The following PTPRD variants were observed in gnomAD, a reference collection of about 807,000 sequenced individuals.
PTPRD encodes the protein receptor-type tyrosine-protein phosphatase delta.
In PTPRD, 34 loss-of-function variants were observed where a neutral mutation model predicts 214.5. That is an observed-to-expected ratio of 0.16 (90% CI 0.12 to 0.21). PTPRD has a LOEUF of 0.21. Among genes scored for constraint, PTPRD ranks in the 10% least tolerant of loss-of-function variants. PTPRD has a pLI of 1.00. For synonymous variants in PTPRD, 1,128 were observed against 845.7 expected (o/e 1.33, Z -5.79); for missense variants, 2,545 against 2,398.7 (o/e 1.06, Z -1.27).
chr9:10,404,297 T>G (rs1238865372), intron 2 of PTPRD, among the ~76,000 whole-genome samples: 1 of 151,826 alleles, frequency 6.6e-6, no homozygotes, highest in Non-Finnish European at 1.5e-5. Context: ...GCCTCTGCAT[T>G]TTCTTTGTGA....
chr9:9,845,065 T>C lies in PTPRD; in HGVS notation c.-367-78214A>G, dbSNP rs912757037. ...ATATAGCTATATATAGAGCAATATA[T>C]ATATATATATTGCTCTATATATATA... On this transcript the variant is annotated intron_variant, in intron 5 of 45. Coordinates refer to ENST00000381196, the MANE Select transcript of PTPRD (RefSeq NM_002839.4). Among the ~76,000 whole-genome samples, 32 of 128,886 alleles carry C rather than the reference T, an allele frequency of 2.5e-4. 2 individuals are homozygous for C. Among genetic ancestry groups the C allele is most frequent in the East Asian group, 1.3e-3 (2 of 1,506 alleles). The allele number at this position is 128,886 out of a possible 152,430, so 84.6% of individuals were successfully genotyped here.
At chr9:10,191,495 G>T (rs921082742) in intron 3 of PTPRD, among the ~76,000 whole-genome samples, 1 of 152,020 alleles carries the variant, frequency 6.6e-6, no homozygotes, top group East Asian at 1.9e-4. Flanking sequence ...CAGGAGAAGG[G>T]AAAAAATGCC....
At chr9:10,564,149 T>G (rs1056072163) in intron 2 of PTPRD, among the ~76,000 whole-genome samples, 1 of 135,490 alleles carries the variant, frequency 7.4e-6, no homozygotes, top group Non-Finnish European at 1.6e-5. Context: ...CTCGGGAGTG[T>G]GCACCACCAC....
intron 2 of PTPRD, among the ~76,000 whole-genome samples, chr9:10,610,781 A>C (rs528072324): frequency 6.6e-6 from 1 of 152,304 alleles, no homozygotes; most frequent in African/African-American, 2.4e-5. Flanking sequence ...CCAATTCATT[A>C]ACTGTTCTAT....
intron 7 of PTPRD, among the ~76,000 whole-genome samples, chr9:9,578,972 T>C (rs548941189): frequency 6.6e-6 from 1 of 152,248 alleles, no homozygotes; most frequent in Non-Finnish European, 1.5e-5. Flanking sequence ...TAATTATATT[T>C]TTACTTTATA....
At chr9:8,996,380 C>T (rs1171757467) in intron 11 of PTPRD, among the ~76,000 whole-genome samples, 5 of 151,904 alleles carry the variant, frequency 3.3e-5, no homozygotes, top group Non-Finnish European at 7.4e-5. Context: ...TCAAGGGTTA[C>T]GTAATGGATG....
chr9:9,483,000 C>T (rs567045003), intron 8 of PTPRD, among the ~76,000 whole-genome samples: 89 of 152,232 alleles, frequency 5.8e-4, no homozygotes, highest in African/African-American at 2.0e-3. Flanking sequence ...GATTTTTCTT[C>T]TCCATCTTAA....
At chr9:9,676,061 A>G (rs1418680656) in intron 7 of PTPRD, among the ~76,000 whole-genome samples, 1 of 152,168 alleles carries the variant, frequency 6.6e-6, no homozygotes, top group Admixed American at 6.6e-5. Context: ...AATAAAATGT[A>G]CATAATTATC....
chr9:10,273,916 CA>C (rs1479085004), intron 3 of PTPRD, among the ~76,000 whole-genome samples: 6 of 152,072 alleles, frequency 3.9e-5, no homozygotes, highest in African/African-American at 1.4e-4. Flanking sequence ...TTTTTGAAAA[CA>C]AAAGTTTTTA....
intron 36 of PTPRD, among the ~76,000 whole-genome samples, chr9:8,396,904 C>T (rs1042523360): frequency 1.3e-5 from 2 of 152,180 alleles, no homozygotes; most frequent in South Asian, 2.1e-4. Context: ...TGTCTATTCA[C>T]TGCTACTCAA....
chr9:9,802,252 T>C (rs558409760), intron 5 of PTPRD, among the ~76,000 whole-genome samples: 2 of 152,054 alleles, frequency 1.3e-5, no homozygotes, highest in South Asian at 4.1e-4. Context: ...AGATCAAGAT[T>C]CCTATGGGTT....
chr9:9,987,839 T>A (rs1160830330), intron 4 of PTPRD, among the ~76,000 whole-genome samples: 1 of 152,178 alleles, frequency 6.6e-6, no homozygotes, highest in Non-Finnish European at 1.5e-5. Context: ...GCAAATTGGA[T>A]GAAGACAACT....
intron 12 of PTPRD, among the ~76,000 whole-genome samples, chr9:8,720,431 A>C (rs1029903381): frequency 1.3e-5 from 2 of 152,236 alleles, no homozygotes; most frequent in African/African-American, 4.8e-5. Context: ...CCCACATTCA[A>C]GGAGTGGGGA....
At chr9:9,030,353 T>C (rs953705442) in intron 10 of PTPRD, among the ~76,000 whole-genome samples, 1 of 134,480 alleles carries the variant, frequency 7.4e-6, no homozygotes, top group Non-Finnish European at 1.6e-5. Flanking sequence ...AGTATACCTA[T>C]CAAATAAACT....
intron 12 of PTPRD, among the ~76,000 whole-genome samples, chr9:8,693,497 T>C (rs1053064489): frequency 3.3e-5 from 5 of 152,216 alleles, no homozygotes; most frequent in African/African-American, 7.2e-5. Context: ...TTTTTTCATT[T>C]CCCTAAAGTC....
intron 3 of PTPRD, among the ~76,000 whole-genome samples, chr9:10,189,009 A>ATTACTTTT (rs2099350612): frequency 6.6e-6 from 1 of 150,670 alleles, no homozygotes; most frequent in Admixed American, 6.6e-5. Context: ...TCCAGTTTCC[A>ATTACTTTT]TTACTTTTTT....
intron 2 of PTPRD, among the ~76,000 whole-genome samples, chr9:10,545,490 T>C (rs1490793630): frequency 6.6e-6 from 1 of 152,206 alleles, no homozygotes; most frequent in Admixed American, 6.6e-5. Flanking sequence ...ACAGAGATTA[T>C]AAATGTAAAG....
chr9:10,507,977 C>A (rs1380442490), intron 2 of PTPRD, among the ~76,000 whole-genome samples: 4 of 152,152 alleles, frequency 2.6e-5, no homozygotes, highest in Non-Finnish European at 4.4e-5. Context: ...AGAACTTTGG[C>A]ACAGCAAAAG....
chr9:8,662,384 C>T (rs2097079112), intron 12 of PTPRD, among the ~76,000 whole-genome samples: 1 of 152,084 alleles, frequency 6.6e-6, no homozygotes, highest in African/African-American at 2.4e-5. Flanking sequence ...GGAAGAACAC[C>T]AATCTTGGGA....
Sources: allele counts gnomAD v4.1 joint callset (sites outside exome capture counted in the v4.1 genomes callset), GRCh38; gene constraint gnomAD v4.1.1; transcripts MANE v1.5; gene names NCBI Gene and HGNC (gene_info 2026-07-23, HGNC 2026-07-21).